The following UBE4B variants were observed in gnomAD, a reference collection of about 807,000 sequenced individuals.
UBE4B encodes the protein ubiquitination factor E4B.
UBE4B carries 27 observed loss-of-function variants against 148.1 expected under a neutral mutation model. That is an observed-to-expected ratio of 0.18 (90% CI 0.13 to 0.25). The LOEUF (loss-of-function observed/expected upper bound fraction) is 0.25. UBE4B is among the 10% of genes least tolerant of loss of function. The pLI, the probability that UBE4B is intolerant of heterozygous loss-of-function variation, is 1.00. For synonymous variants in UBE4B, 596 were observed against 619.3 expected, an observed-to-expected ratio of 0.96 and a Z score of 0.56; for missense variants, 1,170 against 1,662.4, an observed-to-expected ratio of 0.70 and a Z score of 5.15.
intron 2 of UBE4B, among the ~76,000 whole-genome samples, chr1:10,093,096 C>G (rs1644876103): frequency 6.6e-6 from 1 of 152,140 alleles, no homozygotes; most frequent in Non-Finnish European, 1.5e-5. Context: ...CTATACTATA[C>G]TACAGATACA....
At chr1:10,137,915 C>A (rs1056449684) in intron 17 of UBE4B, among the ~76,000 whole-genome samples, 47 of 127,118 alleles carry the variant, frequency 3.7e-4, no homozygotes, top group African/African-American at 1.4e-3. Context: ...AAATCACTTA[C>A]TAATTCTTTT....
intron 1 of UBE4B, among the ~76,000 whole-genome samples, chr1:10,056,909 C>T (rs572955601): frequency 6.6e-6 from 1 of 152,284 alleles, no homozygotes; most frequent in South Asian, 2.1e-4. Context: ...TCACTGCAGC[C>T]TCAGCCTCCC....
intron 5 of UBE4B, 27 bp from the exon 6 acceptor site, chr1:10,105,489 C>T (rs532209903): frequency 6.2e-6 from 10 of 1,607,542 alleles, no homozygotes; most frequent in East Asian, 4.5e-5. Context: ...TGTGTGTAAC[C>T]TGTTCTTTGT....
At chr1:10,094,872 C>T (rs1200405716) in intron 2 of UBE4B, among the ~76,000 whole-genome samples, 3 of 152,072 alleles carry the variant, frequency 2.0e-5, no homozygotes, top group Non-Finnish European at 2.9e-5. Context: ...CTCACTGCAA[C>T]GTCTTCCTCC....
intron 1 of UBE4B, among the ~76,000 whole-genome samples, chr1:10,063,627 G>A (rs1228996592): frequency 6.6e-6 from 1 of 152,110 alleles, no homozygotes; most frequent in Non-Finnish European, 1.5e-5. Context: ...CATCTGGGCC[G>A]GGTGAGGTGG....
chr1:10,096,199 G>A (rs962716707), intron 3 of UBE4B, among the ~76,000 whole-genome samples: 7 of 152,138 alleles, frequency 4.6e-5, no homozygotes, highest in African/African-American at 1.7e-4. Context: ...TTACTAATTA[G>A]TGAAATTTAA....
chr1:10,071,915 T>C (rs1570824283), intron 1 of UBE4B, 113 bp from the exon 2 acceptor site: 4 of 1,006,874 alleles, frequency 4.0e-6, no homozygotes, highest in Middle Eastern at 2.8e-4. Context: ...GTACTTTTGC[T>C]GAAGGCATAT....
rs770985971 is a variant in UBE4B, at chr1:10,130,765, C to T, written c.1863C>T (p.Asn621=). Residue 621 remains asparagine, a synonymous_variant, in exon 14 of 28, where the codon AAC becomes AAT. Transcript: ENST00000343090. ...CAGGGCCTGCCATTACCCTGGAAAA[C>T]ACTCGTGTGGTTAGCCAATCATTGC... is the stretch of plus-strand genomic sequence containing the variant. ...YFSGPAITLE[N]TRVVSQSLQH... is the part of the protein sequence containing the mutation. The T allele has an allele frequency of 1.2e-6, 2 of 1,614,144 alleles. No homozygotes were observed. Among genetic ancestry groups the T allele is most frequent in the Admixed American group, 3.3e-5 (2 of 60,008 alleles).
intron 1 of UBE4B, among the ~76,000 whole-genome samples, chr1:10,044,228 A>AT (rs1643871607): frequency 6.6e-6 from 1 of 151,594 alleles, no homozygotes; most frequent in African/African-American, 2.4e-5. Flanking sequence ...TAATTTTTGT[A>AT]TTTTTAGCGG....
chr1:10,165,031 A>T (rs1646225872), intron 23 of UBE4B, among the ~76,000 whole-genome samples: 1 of 152,106 alleles, frequency 6.6e-6, no homozygotes, highest in African/African-American at 2.4e-5. Flanking sequence ...CCCGGTGAAC[A>T]TCACTGCTTG....
At position 10,142,840 on chromosome 1, in the gene UBE4B, G is replaced by A. The variant is rs964345078; in HGVS notation, c.2364-2100G>A. On this transcript the variant is annotated intron_variant, in intron 17 of 27. Coordinates refer to ENST00000343090, the MANE Select transcript of UBE4B (RefSeq NM_001105562.3). ...AACATAGTATCTTTAGATCTCCTTCGCTTGCCTGGTGTATCGCAGCACTTT... is the reference window on the plus strand; with the variant it reads ...AACATAGTATCTTTAGATCTCCTTCACTTGCCTGGTGTATCGCAGCACTTT... Among the ~76,000 whole-genome samples the A allele has an allele frequency of 5.9e-5, 9 of 151,712 alleles. No homozygotes were observed. In the South Asian group the frequency reaches 1.5e-3, roughly 25 times the overall value.
intron 20 of UBE4B, 79 bp downstream of exon 20, chr1:10,149,361 C>A (rs12076005): frequency 0.046 from 53,709 of 1,173,722 alleles, 1,933 homozygotes; most frequent in African/African-American, 0.18. Context: ...ATGTTGCAAA[C>A]CTCCATTTCA....
At chr1:10,137,844 C>T (rs1168718922) in intron 17 of UBE4B, among the ~76,000 whole-genome samples, 2 of 150,896 alleles carry the variant, frequency 1.3e-5, no homozygotes, top group African/African-American at 4.9e-5. Flanking sequence ...GGTCTAGAAC[C>T]TGCGTAGTCT....
intron 17 of UBE4B, among the ~76,000 whole-genome samples, chr1:10,138,709 C>A (rs74946358): frequency 0.017 from 2,628 of 151,988 alleles, 35 homozygotes; most frequent in Non-Finnish European, 0.027. Flanking sequence ...CTTGAAATTT[C>A]CATCTTGTTT....
At chr1:10,043,642 A>C (rs1161521101) in intron 1 of UBE4B, among the ~76,000 whole-genome samples, 1 of 151,196 alleles carries the variant, frequency 6.6e-6, no homozygotes, top group Non-Finnish European at 1.5e-5. Context: ...GTTAGCCAGG[A>C]TGGTCTCGAG....
chr1:10,066,886 A>G (rs1332309049), intron 1 of UBE4B, among the ~76,000 whole-genome samples: 1 of 152,170 alleles, frequency 6.6e-6, no homozygotes, highest in Non-Finnish European at 1.5e-5. Context: ...AACCTGGGTG[A>G]CAGAGCAAGA....
At chr1:10,051,874 A>G (rs1438800242) in intron 1 of UBE4B, among the ~76,000 whole-genome samples, 1 of 152,122 alleles carries the variant, frequency 6.6e-6, no homozygotes, top group Non-Finnish European at 1.5e-5. Context: ...TGTATTAACT[A>G]CTCAACAGCT....
intron 2 of UBE4B, among the ~76,000 whole-genome samples, chr1:10,075,506 G>A (rs1243443502): frequency 6.6e-6 from 1 of 152,228 alleles, no homozygotes; most frequent in East Asian, 1.9e-4. Context: ...GTGCAACACT[G>A]TGTAACAGCC....
chr1:10,085,159 G>C (rs1203441867), intron 2 of UBE4B, among the ~76,000 whole-genome samples: 3 of 152,160 alleles, frequency 2.0e-5, no homozygotes, highest in Admixed American at 2.0e-4. Flanking sequence ...CCAGCCTCCA[G>C]CAAGTGGACA....
Sources: allele counts gnomAD v4.1 joint callset (sites outside exome capture counted in the v4.1 genomes callset), GRCh38; gene constraint gnomAD v4.1.1; transcripts MANE v1.5; gene names NCBI Gene and HGNC (gene_info 2026-07-23, HGNC 2026-07-21).